Variants in GRIK2 observed in about 807,000 individuals in gnomAD.
GRIK2 encodes glutamate ionotropic receptor kainate type subunit 2, also known as glutamate receptor ionotropic, kainate 2.
In GRIK2, 32 loss-of-function variants were observed where a neutral mutation model predicts 100.3. The observed-to-expected ratio is 0.32, with a 90% CI of 0.24 to 0.43. The LOEUF is 0.43. Ranked by LOEUF, GRIK2 falls within the 20% of genes least tolerant of loss-of-function variation. The probability of loss-of-function intolerance (pLI) is 1.00; values close to 1 mark genes in which losing one functional copy is unlikely to be tolerated. For synonymous variants in GRIK2, 417 were observed against 389.4 expected (o/e 1.07, Z -0.83); for missense variants, 843 against 1,114.9 (o/e 0.76, Z 3.47).
chr6:101,972,642 A>G (rs140733185), intron 14 of GRIK2, among the ~76,000 whole-genome samples: 45 of 151,000 alleles, frequency 3.0e-4, no homozygotes, highest in African/African-American at 9.0e-4. Flanking sequence ...GCCAAGGTCA[A>G]TGTCAAGAAG....
intron 7 of GRIK2, among the ~76,000 whole-genome samples, chr6:101,731,750 T>A (rs554855815): frequency 6.6e-6 from 1 of 152,002 alleles, no homozygotes; most frequent in African/African-American, 2.4e-5. Context: ...GGCATCAAAA[T>A]ATTTTCCACA....
At chr6:101,789,959 T>C (rs1428677331) in intron 7 of GRIK2, among the ~76,000 whole-genome samples, 3 of 152,318 alleles carry the variant, frequency 2.0e-5, no homozygotes, top group Non-Finnish European at 4.4e-5. Flanking sequence ...TTTTATTCTC[T>C]TTGAAGCAAT....
At chr6:101,540,479 A>T (rs1263978190) in intron 2 of GRIK2, among the ~76,000 whole-genome samples, 1 of 152,012 alleles carries the variant, frequency 6.6e-6, no homozygotes, top group Non-Finnish European at 1.5e-5. Flanking sequence ...TTCACCTCAC[A>T]TGCCTGAATC....
intron 10 of GRIK2, among the ~76,000 whole-genome samples, chr6:101,854,373 C>T (rs1784309282): frequency 6.6e-6 from 1 of 152,136 alleles, no homozygotes; most frequent in Non-Finnish European, 1.5e-5. Flanking sequence ...GCTTCTTCTG[C>T]CTCAGTGTCC....
chr6:101,678,228 A>C (rs919887684), intron 5 of GRIK2, among the ~76,000 whole-genome samples: 11 of 152,112 alleles, frequency 7.2e-5, no homozygotes, highest in Non-Finnish European at 1.0e-4. Flanking sequence ...CTATTTTGCT[A>C]TCTGGAAGGT....
intron 4 of GRIK2, among the ~76,000 whole-genome samples, chr6:101,663,901 A>T (rs1283356158): frequency 1.3e-5 from 2 of 152,142 alleles, no homozygotes; most frequent in Admixed American, 6.6e-5. Flanking sequence ...ACTCCCACCA[A>T]ATCACACCAG....
chr6:101,649,111 A>G (rs1781666864), intron 4 of GRIK2, among the ~76,000 whole-genome samples: 1 of 152,060 alleles, frequency 6.6e-6, no homozygotes, highest in African/African-American at 2.4e-5. Context: ...AAACCATATC[A>G]CTAAATGTTC....
At chr6:101,713,516 T>A (rs1047748961) in intron 7 of GRIK2, among the ~76,000 whole-genome samples, 3 of 151,796 alleles carry the variant, frequency 2.0e-5, no homozygotes, top group Non-Finnish European at 4.4e-5. Context: ...GTGGGCTTTA[T>A]TATCTTCAAG....
intron 3 of GRIK2, among the ~76,000 whole-genome samples, chr6:101,625,841 A>G (rs906393276): frequency 3.9e-5 from 6 of 152,180 alleles, no homozygotes; most frequent in Non-Finnish European, 7.3e-5. Flanking sequence ...ACTGATCCAT[A>G]TGAAATCACT....
chr6:101,849,971 G>T (rs1784041900), intron 10 of GRIK2, among the ~76,000 whole-genome samples: 1 of 151,422 alleles, frequency 6.6e-6, no homozygotes, highest in Admixed American at 6.6e-5. Flanking sequence ...TTAGTCATAA[G>T]GATAAATTCA....
chr6:101,793,617 A>G (rs1240734925), intron 7 of GRIK2, among the ~76,000 whole-genome samples: 3 of 152,078 alleles, frequency 2.0e-5, no homozygotes, highest in South Asian at 4.2e-4. Flanking sequence ...GTCTGCCCCT[A>G]CTGGGGGGTG....
intron 2 of GRIK2, among the ~76,000 whole-genome samples, chr6:101,434,508 G>A (rs1008603207): frequency 6.6e-6 from 1 of 151,866 alleles, no homozygotes; most frequent in Non-Finnish European, 1.5e-5. Flanking sequence ...TTTGTTAGAA[G>A]AAGAAGAAAA....
At chr6:101,417,086 T>A (rs978040273) in intron 2 of GRIK2, among the ~76,000 whole-genome samples, 2 of 152,190 alleles carry the variant, frequency 1.3e-5, no homozygotes, top group Admixed American at 6.5e-5. Context: ...GGCCTCACAA[T>A]CATGGCGGAA....
At chr6:101,764,908 C>A (rs1562368471) in intron 7 of GRIK2, among the ~76,000 whole-genome samples, 1 of 151,688 alleles carries the variant, frequency 6.6e-6, no homozygotes, top group African/African-American at 2.4e-5. Flanking sequence ...CTTCATTTTT[C>A]TGTGTGTGTG....
intron 14 of GRIK2, among the ~76,000 whole-genome samples, chr6:102,004,267 AT>A (rs1237067558): frequency 2.5e-5 from 3 of 122,114 alleles, no homozygotes; most frequent in South Asian, 2.6e-4. Context: ...TTATATATCC[AT>A]TTTTTTTCCT....
chr6:101,679,140 A>G (rs1180839747), intron 5 of GRIK2, among the ~76,000 whole-genome samples: 2 of 152,228 alleles, frequency 1.3e-5, no homozygotes, highest in Non-Finnish European at 2.9e-5. Flanking sequence ...CAAAGTTTAG[A>G]TCAGAGAGTG....
chr6:102,038,908 T>C (rs186815168), intron 15 of GRIK2, among the ~76,000 whole-genome samples: 7 of 151,516 alleles, frequency 4.6e-5, no homozygotes, highest in African/African-American at 1.4e-4. Flanking sequence ...TTTTCTTTGC[T>C]TTTATTATTG....
chr6:101,865,804 A>G (rs141456864), intron 11 of GRIK2, among the ~76,000 whole-genome samples: 4,008 of 151,694 alleles, frequency 0.026, 197 homozygotes, highest in African/African-American at 0.091. Context: ...CACAAGAATC[A>G]CTTGAACTTG....
At chr6:102,059,506 G>T (rs1771638663) in intron 16 of GRIK2, among the ~76,000 whole-genome samples, 1 of 150,910 alleles carries the variant, frequency 6.6e-6, no homozygotes, top group African/African-American at 2.4e-5. Context: ...TCACACTTTG[G>T]GTGTATGGAT....
Sources: gnomAD v4.1 joint callset for allele counts (sites outside exome capture counted in the v4.1 genomes callset) on GRCh38, gnomAD v4.1.1 for gene constraint, MANE v1.5 for transcripts, NCBI Gene and HGNC (gene_info 2026-07-23, HGNC 2026-07-21) for gene names.